Variants in NRG3 observed in about 807,000 individuals in gnomAD.
NRG3 encodes pro-neuregulin-3, membrane-bound isoform.
Under a neutral mutation model 66.9 loss-of-function variants are expected in NRG3, and 31 were observed. The ratio of observed to expected loss-of-function variants is 0.46; its 90% CI spans 0.35 to 0.63. The LOEUF (loss-of-function observed/expected upper bound fraction) is 0.63. NRG3 is among the 20% of genes least tolerant of loss of function. The probability of loss-of-function intolerance (pLI) is 0.00; values close to 1 mark genes in which losing one functional copy is unlikely to be tolerated. For missense variants in NRG3, 910 were observed against 878.9 expected, an observed-to-expected ratio of 1.04 and a Z score of -0.45; for synonymous variants, 393 against 359.4, an observed-to-expected ratio of 1.09 and a Z score of -1.06.
intron 3 of NRG3, among the ~76,000 whole-genome samples, chr10:82,814,685 C>A (rs929854055): frequency 5.3e-5 from 8 of 152,148 alleles, no homozygotes; most frequent in African/African-American, 1.9e-4. Flanking sequence ...CAGAATTTTA[C>A]TCTTTTATTT....
chr10:82,699,858 T>G (rs762189383), intron 2 of NRG3, among the ~76,000 whole-genome samples: 3 of 69,428 alleles, frequency 4.3e-5, no homozygotes, highest in African/African-American at 1.1e-4. Flanking sequence ...ATGGATGATC[T>G]GTGTGTGTGT....
intron 1 of NRG3, among the ~76,000 whole-genome samples, chr10:81,923,237 CTTACTCAA>C (rs1846422960): frequency 6.6e-6 from 1 of 152,198 alleles, no homozygotes; most frequent in Non-Finnish European, 1.5e-5. Context: ...AACTGCTTTA[CTTACTCAA>C]TCGAATTTGG....
At chr10:82,398,934 A>T (rs2086900424) in intron 2 of NRG3, among the ~76,000 whole-genome samples, 1 of 152,158 alleles carries the variant, frequency 6.6e-6, no homozygotes, top group Non-Finnish European at 1.5e-5. Context: ...AGAAGGAAGC[A>T]GGATACACCA....
At chr10:82,331,497 A>C (rs190434831) in intron 1 of NRG3, among the ~76,000 whole-genome samples, 457 of 152,294 alleles carry the variant, frequency 3.0e-3, no homozygotes, top group Admixed American at 5.0e-3. Context: ...CCAGGAACTA[A>C]GGTTCCCATG....
At chr10:82,109,284 T>G (rs2067237808) in intron 1 of NRG3, among the ~76,000 whole-genome samples, 1 of 152,106 alleles carries the variant, frequency 6.6e-6, no homozygotes, top group African/African-American at 2.4e-5. Flanking sequence ...GGTGAGTGAT[T>G]GAAGAAGGCC....
chr10:82,942,640 G>A (rs749460054), intron 4 of NRG3, among the ~76,000 whole-genome samples: 9 of 152,178 alleles, frequency 5.9e-5, no homozygotes, highest in African/African-American at 1.9e-4. Flanking sequence ...CAGGCAGCCT[G>A]GCCTGAGCCT....
At chr10:82,242,597 T>G (rs919066002) in intron 1 of NRG3, among the ~76,000 whole-genome samples, 9 of 152,312 alleles carry the variant, frequency 5.9e-5, no homozygotes, top group African/African-American at 2.2e-4. Context: ...GTTATTGTTT[T>G]GCTGAGACCT....
chr10:82,835,609 C>T (rs1204861749), intron 3 of NRG3, among the ~76,000 whole-genome samples: 3 of 152,062 alleles, frequency 2.0e-5, no homozygotes, highest in African/African-American at 7.2e-5. Context: ...TTTACAAAGC[C>T]AATGGTTGGC....
intron 3 of NRG3, among the ~76,000 whole-genome samples, chr10:82,760,622 G>A (rs191333888): frequency 1.3e-5 from 2 of 152,008 alleles, no homozygotes; most frequent in Admixed American, 1.3e-4. Flanking sequence ...ATTACAAAAT[G>A]AAATAAAACT....
At chr10:82,962,912 G>T (rs1850811158) in intron 6 of NRG3, among the ~76,000 whole-genome samples, 1 of 152,046 alleles carries the variant, frequency 6.6e-6, no homozygotes, top group Non-Finnish European at 1.5e-5. Flanking sequence ...TTGGTGAAAA[G>T]GCACATATTT....
At chr10:82,168,385 T>C (rs146599465) in intron 1 of NRG3, among the ~76,000 whole-genome samples, 7 of 152,218 alleles carry the variant, frequency 4.6e-5, no homozygotes, top group Non-Finnish European at 5.9e-5. Flanking sequence ...TTCTTTGGAG[T>C]GGTCAGAGTC....
chr10:82,509,458 A>C (rs1844976399), intron 2 of NRG3, among the ~76,000 whole-genome samples: 1 of 152,204 alleles, frequency 6.6e-6, no homozygotes, highest in Non-Finnish European at 1.5e-5. Context: ...CTATAATTTC[A>C]TGTTAGAAAA....
At chr10:82,093,515 A>G (rs577465089) in intron 1 of NRG3, among the ~76,000 whole-genome samples, 1 of 152,340 alleles carries the variant, frequency 6.6e-6, no homozygotes, top group Admixed American at 6.5e-5. Flanking sequence ...ATTATGAAAG[A>G]CTTCTGACAT....
chr10:81,952,792 G>A (rs1034921532), intron 1 of NRG3, among the ~76,000 whole-genome samples: 1 of 151,412 alleles, frequency 6.6e-6, no homozygotes, highest in Non-Finnish European at 1.5e-5. Context: ...TTTTATTTTT[G>A]TAGAGAAGAG....
intron 3 of NRG3, among the ~76,000 whole-genome samples, chr10:82,828,243 G>A (rs1222701169): frequency 1.3e-5 from 2 of 152,150 alleles, no homozygotes; most frequent in African/African-American, 4.8e-5. Context: ...CTTCTGCTAG[G>A]AATGTACAAA....
At chr10:82,486,287 C>G (rs1447793539) in intron 2 of NRG3, among the ~76,000 whole-genome samples, 1 of 152,140 alleles carries the variant, frequency 6.6e-6, no homozygotes, top group Non-Finnish European at 1.5e-5. Context: ...TAATTGAAAT[C>G]AGTTTTTCAA....
chr10:82,173,593 A>G (rs191666789), intron 1 of NRG3, among the ~76,000 whole-genome samples: 130 of 152,014 alleles, frequency 8.6e-4, no homozygotes, highest in Non-Finnish European at 4.4e-5. Flanking sequence ...CAGGTGAGCA[A>G]GCAAGATGAG....
intron 2 of NRG3, among the ~76,000 whole-genome samples, chr10:82,472,055 T>C (rs1008520290): frequency 6.6e-6 from 1 of 151,450 alleles, no homozygotes; most frequent in Non-Finnish European, 1.5e-5. Context: ...ATACTTGAAA[T>C]TGAAAAAAAA....
At chr10:82,315,211 T>TG (rs1268043432) in intron 1 of NRG3, among the ~76,000 whole-genome samples, 1 of 152,150 alleles carries the variant, frequency 6.6e-6, no homozygotes. Context: ...TAGCAATGTG[T>TG]GGGGTCTTTT....
Sources: allele counts gnomAD v4.1 joint callset (sites outside exome capture counted in the v4.1 genomes callset), GRCh38; gene constraint gnomAD v4.1.1; transcripts MANE v1.5; gene names NCBI Gene and HGNC (gene_info 2026-07-23, HGNC 2026-07-21).